The following ARAP2 variants were observed in gnomAD, a reference collection of about 807,000 sequenced individuals.
The protein encoded by ARAP2 is arf-GAP with Rho-GAP domain, ANK repeat and PH domain-containing protein 2.
Under a neutral mutation model 194.5 loss-of-function variants are expected in ARAP2, and 148 were observed. That is an observed-to-expected ratio of 0.76 (90% CI 0.67 to 0.87). The LOEUF (loss-of-function observed/expected upper bound fraction) is 0.87, where lower values mean the gene tolerates loss of function less well. Ranked by LOEUF, ARAP2 falls within the 40% of genes least tolerant of loss-of-function variation. The pLI is 0.00. For missense variants in ARAP2, 2,128 were observed against 1,989.7 expected, an observed-to-expected ratio of 1.07 and a Z score of -1.32; for synonymous variants, 695 against 683.5, an observed-to-expected ratio of 1.02 and a Z score of -0.26.
At position 36,083,396 on chromosome 4, in the gene ARAP2, C is replaced by T; in HGVS notation, c.4480G>A (p.Val1494Met). ...SLSSMKFYRGVKKKMKPPTSW... is the reference protein window; with the variant it reads ...SLSSMKFYRGMKKKMKPPTSW... ...GTTGGAGGCTTCATTTTCTTTTTCA[C>T]TCCACGATAAAACTTCATGGAACTG... Residue 1494 changes from valine (V) to methionine (M), a missense_variant, in exon 29 of 33, where the codon GTG (valine) becomes ATG (methionine). Transcript: ENST00000303965. The T allele has an allele frequency of 1.2e-6, 2 of 1,609,006 alleles. No individual in the cohort carries two copies. Among genetic ancestry groups the T allele is most frequent in the Non-Finnish European group, 8.5e-7 (1 of 1,178,110 alleles).
At chr4:36,182,422 G>A (rs2109869619) in intron 8 of ARAP2, among the ~76,000 whole-genome samples, 1 of 152,200 alleles carries the variant, frequency 6.6e-6, no homozygotes, top group Non-Finnish European at 1.5e-5. Context: ...CTTGAACCAG[G>A]GAGGTGGAGT....
At chr4:36,034,918 C>T (rs1171441555) in intron 5 of ARAP2, among the ~76,000 whole-genome samples, 1 of 152,054 alleles carries the variant, frequency 6.6e-6, no homozygotes, top group Non-Finnish European at 1.5e-5. Flanking sequence ...TTGAACCAAC[C>T]TTGCATCCCA....
intron 4 of ARAP2, among the ~76,000 whole-genome samples, chr4:36,046,532 A>G (rs1721864489): frequency 6.6e-6 from 1 of 152,122 alleles, no homozygotes; most frequent in African/African-American, 2.4e-5. Flanking sequence ...AGGAATTTTA[A>G]TGGGCATAAA....
intron 5 of ARAP2, among the ~76,000 whole-genome samples, chr4:36,028,288 C>T (rs1168374798): frequency 1.3e-5 from 2 of 152,002 alleles, no homozygotes; most frequent in African/African-American, 2.4e-5. Flanking sequence ...CTCTACAATG[C>T]GGTAAGAACT....
At chr4:36,173,621 C>T (rs1737147693) in intron 9 of ARAP2, among the ~76,000 whole-genome samples, 2 of 151,108 alleles carry the variant, frequency 1.3e-5, no homozygotes, top group Admixed American at 1.3e-4. Flanking sequence ...ACATAAGATC[C>T]CAATAAATAA....
intron 2 of ARAP2, among the ~76,000 whole-genome samples, chr4:36,225,871 G>A (rs1750187488): frequency 6.6e-6 from 1 of 152,046 alleles, no homozygotes; most frequent in Admixed American, 6.6e-5. Context: ...ATCATTTGCA[G>A]GTTCAATATC....
intron 27 of ARAP2, among the ~76,000 whole-genome samples, chr4:36,094,901 T>C (rs1396822616): frequency 1.3e-5 from 2 of 152,164 alleles, no homozygotes; most frequent in East Asian, 3.9e-4. Context: ...AGTGCTGTCA[T>C]CAGAATTCAA....
Position 36,128,692 on chromosome 4 carries a change from C to T in ARAP2, c.3481G>A (p.Glu1161Lys). ...TCCTTTTTGAAACTCTCCAGGAGTT[C>T]ACTTATATGCAAAGGATCACCATTC... ...QKNGDPLHIS[E>K]LLESFKKDAR... Residue 1161 changes from glutamate (E) to lysine (K), a missense_variant, in exon 21 of 33, where the codon GAA (glutamate) becomes AAA (lysine). Glu to Lys is a moderately conservative substitution (Grantham distance 56). Coordinates refer to ENST00000303965, the MANE Select transcript of ARAP2 (RefSeq NM_015230.4). 1 of 1,612,450 alleles carries T rather than the reference C, an allele frequency of 6.2e-7. No homozygotes were observed. The highest frequency in any genetic ancestry group is 1.3e-5 in the African/African-American group (1 of 74,816).
chr4:36,160,500 T>C lies in ARAP2; in HGVS notation c.2401A>G (p.Lys801Glu). ...TTGGTGAGAGATGCCAAAAGAGTTTTTCTGAATTTTCCTTCTTTATATTTC... is the reference window on the plus strand; with the variant it reads ...TTGGTGAGAGATGCCAAAAGAGTTTCTCTGAATTTTCCTTCTTTATATTTC... ...TQKYKEGKFRKTLLASLTKEE... is the reference protein window; with the variant it reads ...TQKYKEGKFRETLLASLTKEE... Residue 801 changes from lysine (K) to glutamate (E), a missense_variant, in exon 13 of 33, where the codon AAA becomes GAA. Coordinates refer to ENST00000303965, the MANE Select transcript of ARAP2 (RefSeq NM_015230.4). The C allele has an allele frequency of 6.4e-7, 1 of 1,572,102 alleles. No homozygotes were observed. The highest frequency in any genetic ancestry group is 2.4e-5 in the East Asian group (1 of 42,456).
At chr4:36,163,693 A>G (rs1734619334) in intron 11 of ARAP2, among the ~76,000 whole-genome samples, 1 of 152,204 alleles carries the variant, frequency 6.6e-6, no homozygotes, top group African/African-American at 2.4e-5. Context: ...AAAAGAAACC[A>G]TGGCTAAATA....
intron 3 of ARAP2, chr4:36,051,870 G>A (rs1286637434): frequency 6.6e-6 from 1 of 152,114 alleles, no homozygotes; most frequent in Non-Finnish European, 1.5e-5. Flanking sequence ...TGTTTGTGAC[G>A]TGTGACTGTT....
At chr4:36,154,617 A>AG (rs1440424702) in intron 15 of ARAP2, among the ~76,000 whole-genome samples, 1 of 152,166 alleles carries the variant, frequency 6.6e-6, no homozygotes, top group African/African-American at 2.4e-5. Flanking sequence ...TAAATTGAAA[A>AG]GGAAAAAAAA....
In ARAP2 at chr4:36,159,490, C is replaced by T. The variant is rs1394966547; in HGVS notation, c.2458G>A (p.Val820Ile). 1.9e-6 allele frequency: 3 copies of T among 1,576,204 alleles called. No homozygotes were observed. Among genetic ancestry groups the T allele is most frequent in the African/African-American group, 1.4e-5 (1 of 73,798 alleles). ...GTTTCTAGAACATCCGGTTTCACTACAGCAGCACATAGAGCCTGGTCATTA... is the reference window on the plus strand; with the variant it reads ...GTTTCTAGAACATCCGGTTTCACTATAGCAGCACATAGAGCCTGGTCATTA... ...EELNKALCAAVVKPDVLETMA... is the reference protein window; with the variant it reads ...EELNKALCAAIVKPDVLETMA... Residue 820 changes from valine (V) to isoleucine (I), a missense_variant, in exon 14 of 33, where the codon GTA becomes ATA. Physicochemically the swap from Val to Ile is conservative, Grantham distance 29. Coordinates refer to ENST00000303965, the MANE Select transcript of ARAP2 (RefSeq NM_015230.4).
intron 8 of ARAP2, among the ~76,000 whole-genome samples, chr4:36,178,688 A>G (rs1738532689): frequency 6.6e-6 from 1 of 152,248 alleles, no homozygotes; most frequent in Non-Finnish European, 1.5e-5. Context: ...TAAGTCAAGC[A>G]AGATTTGAAC....
chr4:36,178,083 T>C (rs1347310107), intron 8 of ARAP2, 78 bp from the exon 9 acceptor site: 9 of 1,308,562 alleles, frequency 6.9e-6, no homozygotes, highest in East Asian at 2.4e-5. Flanking sequence ...AAGAAATCCA[T>C]GCCCTTTGCA....
At chr4:36,158,017 T>C (rs1438896876) in intron 15 of ARAP2, among the ~76,000 whole-genome samples, 2 of 152,144 alleles carry the variant, frequency 1.3e-5, no homozygotes, top group Non-Finnish European at 2.9e-5. Flanking sequence ...ACACTCTTTG[T>C]TACAGTAAGG....
At chr4:36,044,414 G>A (rs1468146163) in intron 5 of ARAP2, among the ~76,000 whole-genome samples, 1 of 152,194 alleles carries the variant, frequency 6.6e-6, no homozygotes, top group Admixed American at 6.5e-5. Flanking sequence ...GGTGTCAAGA[G>A]AGGGAGTTTG....
chr4:36,023,963 A>T (rs1717453611), intron 5 of ARAP2, among the ~76,000 whole-genome samples: 2 of 5,150 alleles, frequency 3.9e-4, no homozygotes, highest in East Asian at 6.7e-3. Flanking sequence ...TTTAATCAAT[A>T]AAAAAAAAAA....
intron 6 of ARAP2, among the ~76,000 whole-genome samples, chr4:36,194,334 A>G (rs932754821): frequency 6.6e-6 from 1 of 152,220 alleles, no homozygotes; most frequent in African/African-American, 2.4e-5. Flanking sequence ...AGAAGTGAAG[A>G]ACTGTTTTTA....
Sources: allele counts gnomAD v4.1 joint callset (sites outside exome capture counted in the v4.1 genomes callset), GRCh38; gene constraint gnomAD v4.1.1; transcripts MANE v1.5; gene names NCBI Gene and HGNC (gene_info 2026-07-23, HGNC 2026-07-21).